Variants in SPECC1 observed in about 807,000 individuals in gnomAD.
The protein encoded by SPECC1 is cytospin-B.
A neutral mutation model predicts 104.1 loss-of-function variants in SPECC1; 62 were observed. The observed-to-expected ratio is 0.60, with a 90% CI of 0.49 to 0.74. SPECC1 has a LOEUF of 0.74. Ranked by LOEUF, SPECC1 falls within the 30% of genes least tolerant of loss-of-function variation. The pLI is 0.00. For missense variants in SPECC1, 1,306 were observed against 1,310.5 expected (o/e 1.00, Z 0.05); for synonymous variants, 513 against 501.6 (o/e 1.02, Z -0.30).
At chr17:20,111,778 G>T in intron 3 of SPECC1, 1 of 760,968 alleles carries the variant, frequency 1.3e-6, no homozygotes, top group Non-Finnish European at 2.4e-6. Context: ...GGAGGATCGG[G>T]TGGGAGGGTG....
At chr17:20,244,586 A>G (rs1012899495) in intron 7 of SPECC1, among the ~76,000 whole-genome samples, 4 of 152,202 alleles carry the variant, frequency 2.6e-5, no homozygotes, top group African/African-American at 9.6e-5. Flanking sequence ...AATTTATTCT[A>G]TTCATGTTAT....
intron 1 of SPECC1, 27 bp from the exon 2 acceptor site, chr17:20,096,604 A>G (rs1241550709): frequency 1.8e-5 from 29 of 1,579,890 alleles, no homozygotes; most frequent in Non-Finnish European, 2.4e-5. Flanking sequence ...TGATGGAGAC[A>G]TGTTTTTCTT....
intron 14 of SPECC1, 23 bp downstream of exon 14, chr17:20,306,105 T>G: frequency 6.2e-7 from 1 of 1,600,324 alleles, no homozygotes; most frequent in East Asian, 2.2e-5. Context: ...TTTTGTATCC[T>G]TGTGATACTT....
chr17:20,049,794 ATT>A (rs921944682), intron 1 of SPECC1, among the ~76,000 whole-genome samples: 1 of 150,620 alleles, frequency 6.6e-6, no homozygotes, highest in African/African-American at 2.4e-5. Context: ...TACTATTTTC[ATT>A]TTTTTCTTTT....
intron 2 of SPECC1, among the ~76,000 whole-genome samples, chr17:20,107,144 CAA>C (rs531912350): frequency 8.8e-5 from 6 of 68,158 alleles, no homozygotes; most frequent in Admixed American, 3.6e-4. Flanking sequence ...ACTCGTGTCT[CAA>C]AAAAAAAAAA....
At chr17:20,059,001 G>A (rs1024250428) in intron 1 of SPECC1, among the ~76,000 whole-genome samples, 22 of 150,682 alleles carry the variant, frequency 1.5e-4, no homozygotes, top group African/African-American at 4.7e-4. Context: ...CACCACACCC[G>A]GCTAATTTTT....
chr17:20,103,223 C>T (rs1375003823), intron 2 of SPECC1, among the ~76,000 whole-genome samples: 1 of 152,186 alleles, frequency 6.6e-6, no homozygotes, highest in Non-Finnish European at 1.5e-5. Flanking sequence ...CCCACCCCTC[C>T]AGAATGCCTC....
At chr17:20,298,978 G>GTGTGTGTGTGTGTGTGTGTGTGTGTGT (rs747414391) in intron 13 of SPECC1, among the ~76,000 whole-genome samples, 2 of 29,476 alleles carry the variant, frequency 6.8e-5, no homozygotes, top group African/African-American at 1.9e-4. Context: ...TGTGTATGTA[G>GTGTGTGTGTGTGTGTGTGTGTGTGTGT]AGAGAGAGAG....
At chr17:20,207,031 A>G (rs978135074) in intron 4 of SPECC1, among the ~76,000 whole-genome samples, 1 of 152,072 alleles carries the variant, frequency 6.6e-6, no homozygotes, top group African/African-American at 2.4e-5. Context: ...TATTCTGCCC[A>G]CCTCCCAGAG....
At position 20,316,738 on chromosome 17, in the gene SPECC1, C is replaced by T. The variant is rs961309492; in HGVS notation, c.*2673C>T. 9 of 196,378 alleles carry T rather than the reference C, an allele frequency of 4.6e-5. No individual in the cohort carries two copies. The highest frequency in any genetic ancestry group is 1.9e-4 in the African/African-American group (8 of 43,134). The allele number at this position is 196,378 out of a possible 1,614,324, so 12.2% of individuals were successfully genotyped here. Reference sequence around the variant, plus strand: ...TTGAGACAGAGTCTTGCTCTGTCGCCCAGGCTGGAGTGCCAGTGGCGCGAT... The same window carrying T: ...TTGAGACAGAGTCTTGCTCTGTCGCTCAGGCTGGAGTGCCAGTGGCGCGAT... On this transcript the variant is annotated 3_prime_UTR_variant, in exon 15 of 15. Coordinates refer to ENST00000395527, the MANE Select transcript of SPECC1 (RefSeq NM_001243439.2).
At chr17:20,224,562 A>G (rs1281866004) in intron 4 of SPECC1, among the ~76,000 whole-genome samples, 1 of 151,936 alleles carries the variant, frequency 6.6e-6, no homozygotes, top group African/African-American at 2.4e-5. Context: ...AAGTTGGAAG[A>G]CAAAGCCCTT....
chr17:20,026,453 A>G (rs1249254000), intron 1 of SPECC1, among the ~76,000 whole-genome samples: 1 of 152,242 alleles, frequency 6.6e-6, no homozygotes, highest in Non-Finnish European at 1.5e-5. Context: ...ATTTTTATCC[A>G]TTAACTTTTC....
intron 1 of SPECC1, among the ~76,000 whole-genome samples, chr17:20,060,606 C>A (rs187514508): frequency 6.6e-5 from 10 of 152,310 alleles, no homozygotes; most frequent in Admixed American, 3.3e-4. Context: ...CACCATTGTG[C>A]TTTCTATGTG....
chr17:20,175,637 T>C (rs560687501), intron 3 of SPECC1, among the ~76,000 whole-genome samples: 5 of 152,378 alleles, frequency 3.3e-5, no homozygotes, highest in African/African-American at 7.2e-5. Flanking sequence ...TTAACAAAGA[T>C]GTTTTTCTTT....
At chr17:20,095,743 G>A (rs1179472971) in intron 1 of SPECC1, 1 of 152,512 alleles carries the variant, frequency 6.6e-6, no homozygotes, top group African/African-American at 2.4e-5. Context: ...TTTGTAAAGT[G>A]CATTTCTGAT....
At chr17:20,260,789 AT>A (rs1290554277) in intron 12 of SPECC1, among the ~76,000 whole-genome samples, 2 of 152,154 alleles carry the variant, frequency 1.3e-5, no homozygotes, top group African/African-American at 4.8e-5. Flanking sequence ...AGGAATTGAT[AT>A]CAACATAGAG....
chr17:20,284,668 G>A (rs2040882700), intron 12 of SPECC1, among the ~76,000 whole-genome samples: 1 of 152,228 alleles, frequency 6.6e-6, no homozygotes, highest in East Asian at 1.9e-4. Context: ...TGCACATGCT[G>A]AGCTCCAGTG....
intron 12 of SPECC1, 80 bp downstream of exon 12, chr17:20,260,374 G>C: frequency 8.3e-7 from 1 of 1,199,130 alleles, no homozygotes. Context: ...TTGTGTGCCT[G>C]TGCTTGATGG....
chr17:20,176,346 T>C (rs1176980696), intron 3 of SPECC1, among the ~76,000 whole-genome samples: 1 of 152,262 alleles, frequency 6.6e-6, no homozygotes, highest in Non-Finnish European at 1.5e-5. Context: ...TCAGTCATTT[T>C]ACTTGAGGGT....
Sources: allele counts gnomAD v4.1 joint callset (sites outside exome capture counted in the v4.1 genomes callset), GRCh38; gene constraint gnomAD v4.1.1; transcripts MANE v1.5; gene names NCBI Gene and HGNC (gene_info 2026-07-23, HGNC 2026-07-21).